Variants in DNAAF9 observed in about 807,000 individuals in gnomAD.
The protein encoded by DNAAF9 is dynein axonemal assembly factor 9, also known as shulin.
In DNAAF9, 90 loss-of-function variants were observed where a neutral mutation model predicts 167.0. That is an observed-to-expected ratio of 0.54 (90% CI 0.45 to 0.64). The LOEUF (loss-of-function observed/expected upper bound fraction) is 0.64. Ranked by LOEUF, DNAAF9 falls within the 30% of genes least tolerant of loss-of-function variation. DNAAF9 has a pLI of 0.00. For missense variants in DNAAF9, 1,315 were observed against 1,442.2 expected (o/e 0.91, Z 1.43); for synonymous variants, 491 against 508.8 (o/e 0.96, Z 0.47).
At chr20:3,301,141 A>C (rs944143705) in intron 21 of DNAAF9, among the ~76,000 whole-genome samples, 1 of 151,198 alleles carries the variant, frequency 6.6e-6, no homozygotes, top group Non-Finnish European at 1.5e-5. Context: ...AAGCCTCCCA[A>C]ATAGTTGCGA....
Position 3,343,712 on chromosome 20 carries a change from C to T in DNAAF9, c.809G>A (p.Ser270Asn), listed in dbSNP as rs2070131812. 6.2e-7 allele frequency: 1 copy of T among 1,612,722 alleles called. No individual in the cohort carries two copies. Among genetic ancestry groups the T allele is most frequent in the Non-Finnish European group, 8.5e-7 (1 of 1,179,088 alleles). ...TATATGGCTAGAGATCATTCCATGACTGAAATAACTTCTGAATGGCTAAAA... is the reference window on the plus strand; with the variant it reads ...TATATGGCTAGAGATCATTCCATGATTGAAATAACTTCTGAATGGCTAAAA... Reference protein sequence around the residue: ...QAGEPFRSYFSHGMISSHITE... With the variant: ...QAGEPFRSYFNHGMISSHITE... Residue 270 changes from serine to asparagine, a missense_variant, in exon 9 of 37, where the codon AGT becomes AAT. By Grantham distance (46) the Ser-to-Asn change is conservative (BLOSUM62 1). Around this residue, in one of 2 missense-constraint regions of DNAAF9, gnomAD observed 981 missense variants for 1,012.5 expected, o/e 0.97. Transcript: ENST00000252032.
At chr20:3,303,460 T>G (rs1014362718) in intron 21 of DNAAF9, among the ~76,000 whole-genome samples, 10 of 152,202 alleles carry the variant, frequency 6.6e-5, no homozygotes, top group African/African-American at 2.4e-4. Context: ...TTGTCGAAAT[T>G]AGCTACTTAT....
chr20:3,358,153 A>G (rs1482366745), intron 7 of DNAAF9, among the ~76,000 whole-genome samples: 6 of 151,504 alleles, frequency 4.0e-5, no homozygotes. Flanking sequence ...TTTCTACTTT[A>G]TCTGTACCTG....
chr20:3,397,308 T>TTG (rs2083922538), intron 1 of DNAAF9, among the ~76,000 whole-genome samples: 1 of 100,324 alleles, frequency 1.0e-5, no homozygotes, highest in Non-Finnish European at 2.1e-5. Flanking sequence ...ATTATTTCTT[T>TTG]TTTTGTTTTG....
chr20:3,287,532 A>G (rs1469646641), intron 27 of DNAAF9, 100 bp downstream of exon 27: 5 of 1,115,390 alleles, frequency 4.5e-6, no homozygotes, highest in Non-Finnish European at 6.8e-6. Flanking sequence ...TCATGCATGT[A>G]GAGTCTGTTC....
intron 7 of DNAAF9, among the ~76,000 whole-genome samples, chr20:3,353,872 G>A (rs1415433231): frequency 2.0e-5 from 3 of 152,024 alleles, no homozygotes; most frequent in Non-Finnish European, 4.4e-5. Flanking sequence ...TAGGCACTTT[G>A]TTACCCAAAA....
intron 10 of DNAAF9, among the ~76,000 whole-genome samples, chr20:3,335,191 C>T (rs1344643925): frequency 6.6e-6 from 1 of 152,118 alleles, no homozygotes; most frequent in Non-Finnish European, 1.5e-5. Flanking sequence ...GTTCTCTTCC[C>T]TTCCTGATGT....
intron 6 of DNAAF9, among the ~76,000 whole-genome samples, chr20:3,368,082 C>T (rs1427085929): frequency 1.4e-5 from 2 of 147,260 alleles, no homozygotes; most frequent in Non-Finnish European, 3.0e-5. Flanking sequence ...TTTCTCTTGA[C>T]CTTGAGTAGT....
chr20:3,406,138 A>C (rs1252139245), intron 1 of DNAAF9, among the ~76,000 whole-genome samples: 2 of 152,208 alleles, frequency 1.3e-5, no homozygotes, highest in African/African-American at 4.8e-5. Context: ...ACAAACATAT[A>C]CTGGATTCTG....
At chr20:3,386,954 T>A (rs2083749679) in intron 1 of DNAAF9, among the ~76,000 whole-genome samples, 1 of 152,144 alleles carries the variant, frequency 6.6e-6, no homozygotes, top group Non-Finnish European at 1.5e-5. Context: ...AAACAGTGAC[T>A]ACCAAACTGA....
At chr20:3,378,982 C>A (rs140648061) in intron 3 of DNAAF9, among the ~76,000 whole-genome samples, 50 of 151,678 alleles carry the variant, frequency 3.3e-4, no homozygotes, top group African/African-American at 1.1e-3. Flanking sequence ...GAATGGAGGC[C>A]CCTCTCATCT....
At chr20:3,270,358 CT>C in intron 30 of DNAAF9, 68 bp downstream of exon 30, 4 of 1,439,208 alleles carry the variant, frequency 2.8e-6, no homozygotes, top group Non-Finnish European at 3.9e-6. Flanking sequence ...TAGAAAGACT[CT>C]GTGGGCCACA....
At chr20:3,375,384 A>C (rs970764504) in intron 4 of DNAAF9, among the ~76,000 whole-genome samples, 1 of 152,164 alleles carries the variant, frequency 6.6e-6, no homozygotes, top group African/African-American at 2.4e-5. Flanking sequence ...TTCCCCCAAA[A>C]AATTCCGCCA....
chr20:3,262,352 G>A (rs191961906), intron 31 of DNAAF9, among the ~76,000 whole-genome samples: 186 of 150,542 alleles, frequency 1.2e-3, no homozygotes, highest in African/African-American at 4.2e-3. Context: ...CCGGGTTCAC[G>A]CCATTCTCCT....
chr20:3,297,945 A>G (rs1016234417), intron 22 of DNAAF9, 84 bp downstream of exon 22: 1 of 1,066,658 alleles, frequency 9.4e-7, no homozygotes, highest in Non-Finnish European at 1.4e-6. Flanking sequence ...CTTCACTGTT[A>G]GCCCCAAAAT....
chr20:3,371,337 T>TG (rs1462385162), intron 6 of DNAAF9, among the ~76,000 whole-genome samples: 1 of 27,840 alleles, frequency 3.6e-5, no homozygotes, highest in African/African-American at 1.9e-4. Flanking sequence ...GAAAATCTTT[T>TG]TTTTTTTTTT....
chr20:3,332,756 A>T (rs1474068265), intron 10 of DNAAF9, among the ~76,000 whole-genome samples: 4 of 151,864 alleles, frequency 2.6e-5, no homozygotes, highest in Non-Finnish European at 5.9e-5. Flanking sequence ...GCACCACTGC[A>T]CCTGGCCAGA....
At chr20:3,363,743 T>C (rs1210804165) in intron 6 of DNAAF9, among the ~76,000 whole-genome samples, 1 of 152,090 alleles carries the variant, frequency 6.6e-6, no homozygotes, top group Non-Finnish European at 1.5e-5. Context: ...TATTCTGTCC[T>C]CATGACTATG....
intron 10 of DNAAF9, among the ~76,000 whole-genome samples, chr20:3,337,965 AT>A (rs1163654083): frequency 2.4e-5 from 3 of 126,072 alleles, no homozygotes; most frequent in Non-Finnish European, 4.9e-5. Context: ...TCTGATATAT[AT>A]ATATAATATA....
Sources: allele counts gnomAD v4.1 joint callset (sites outside exome capture counted in the v4.1 genomes callset), GRCh38; gene constraint gnomAD v4.1.1; regional missense constraint gnomAD v4.1.1; transcripts MANE v1.5; gene names NCBI Gene and HGNC (gene_info 2026-07-23, HGNC 2026-07-21).